Variants in LIMS1 observed in about 807,000 individuals in gnomAD.
LIMS1 encodes LIM zinc finger domain containing 1, also known as LIM and senescent cell antigen-like-containing domain protein 1.
Under a neutral mutation model 44.1 loss-of-function variants are expected in LIMS1, and 18 were observed. The observed-to-expected ratio is 0.41, with a 90% CI of 0.28 to 0.61. The LOEUF (loss-of-function observed/expected upper bound fraction) is 0.61, where lower values mean the gene tolerates loss of function less well. LIMS1 is among the 20% of genes least tolerant of loss of function. The pLI is 0.32. For synonymous variants in LIMS1, 93 were observed against 149.1 expected, an observed-to-expected ratio of 0.62 and a Z score of 2.74; for missense variants, 201 against 422.0, an observed-to-expected ratio of 0.48 and a Z score of 4.59.
chr2:108,640,243 T>C (rs550084142), intron 1 of LIMS1, among the ~76,000 whole-genome samples: 104 of 152,298 alleles, frequency 6.8e-4, no homozygotes, highest in Non-Finnish European at 1.3e-3. Context: ...CTCCTTTCCC[T>C]TCCCCAGGCT....
intron 1 of LIMS1, among the ~76,000 whole-genome samples, chr2:108,609,131 C>G (rs894478470): frequency 9.2e-5 from 14 of 152,076 alleles, no homozygotes; most frequent in African/African-American, 3.4e-4. Flanking sequence ...ATCGGTGATT[C>G]GAGAGTACTG....
intron 1 of LIMS1, among the ~76,000 whole-genome samples, chr2:108,612,302 G>A (rs1424961286): frequency 6.6e-6 from 1 of 152,002 alleles, no homozygotes; most frequent in Non-Finnish European, 1.5e-5. Flanking sequence ...GGTATGAAGT[G>A]TTCTCAGAGG....
chr2:108,675,516 A>G (rs545356097), intron 5 of LIMS1, among the ~76,000 whole-genome samples: 2 of 152,286 alleles, frequency 1.3e-5, no homozygotes, highest in East Asian at 3.9e-4. Context: ...ACCATAGCAG[A>G]TAGTATTACT....
At position 108,572,782 on chromosome 2, in the gene LIMS1, A is replaced by C. The variant is rs78038125; in HGVS notation, c.32+38188A>C. Among the ~76,000 whole-genome samples the C allele has an allele frequency of 9.3e-3, 1,412 of 152,286 alleles. 26 individuals are homozygous for C. The highest frequency in any genetic ancestry group is 0.033 in the African/African-American group (1,351 of 41,546). ...CACTTTGAAGTCGGGTGGTCTTGGA[A>C]GTGTAGGAAAACATTTTGAGAAACA... On this transcript the variant is annotated intron_variant, in intron 1 of 9. Transcript: ENST00000544547.
intron 9 of LIMS1, 99 bp from the exon 10 acceptor site, chr2:108,683,786 G>T: frequency 1.9e-6 from 1 of 516,714 alleles, no homozygotes; most frequent in South Asian, 3.6e-5. Flanking sequence ...TCACCTAGTT[G>T]CCTTCGTTTA....
chr2:108,547,531 T>C (rs1684521647), intron 1 of LIMS1, among the ~76,000 whole-genome samples: 1 of 152,188 alleles, frequency 6.6e-6, no homozygotes, highest in South Asian at 2.1e-4. Flanking sequence ...CTGTTGGCAG[T>C]TTGACTTATG....
chr2:108,556,102 C>G (rs1336450704), intron 1 of LIMS1, among the ~76,000 whole-genome samples: 1 of 152,128 alleles, frequency 6.6e-6, no homozygotes, highest in Non-Finnish European at 1.5e-5. Flanking sequence ...AACTCCCATT[C>G]TGCCTTGCCC....
intron 7 of LIMS1, chr2:108,676,903 G>A (rs951327355): frequency 3.4e-5 from 19 of 563,424 alleles, no homozygotes; most frequent in Non-Finnish European, 5.1e-5. Context: ...CAAGTCCACA[G>A]TTTGCTTTAT....
chr2:108,548,396 G>A (rs1684561877), intron 1 of LIMS1, among the ~76,000 whole-genome samples: 1 of 151,780 alleles, frequency 6.6e-6, no homozygotes, highest in Admixed American at 6.6e-5. Context: ...ACAGATGTCT[G>A]TTTAACACAA....
intron 1 of LIMS1, among the ~76,000 whole-genome samples, chr2:108,623,107 G>A (rs1688348380): frequency 6.6e-6 from 1 of 151,826 alleles, no homozygotes; most frequent in Admixed American, 6.6e-5. Flanking sequence ...GTCATAGAAG[G>A]GACTTGTATT....
chr2:108,667,551 A>AAAAAAAAATAT (rs765279788), intron 2 of LIMS1, among the ~76,000 whole-genome samples: 1 of 130,484 alleles, frequency 7.7e-6, no homozygotes, highest in Non-Finnish European at 1.6e-5. Flanking sequence ...AAAAAAAAAA[A>AAAAAAAAATAT]ATATATATAT....
At chr2:108,605,694 C>T (rs191853311) in intron 1 of LIMS1, among the ~76,000 whole-genome samples, 50 of 152,302 alleles carry the variant, frequency 3.3e-4, no homozygotes, top group African/African-American at 1.2e-3. Flanking sequence ...GAATGCCATC[C>T]AGTGTAGTCT....
chr2:108,623,129 T>C (rs1197938428), intron 1 of LIMS1, among the ~76,000 whole-genome samples: 5 of 152,162 alleles, frequency 3.3e-5, no homozygotes, highest in Non-Finnish European at 7.4e-5. Flanking sequence ...CTGCCACTTT[T>C]GTCTCCTAAT....
intron 1 of LIMS1, among the ~76,000 whole-genome samples, chr2:108,591,290 A>G (rs1686376489): frequency 6.6e-6 from 1 of 152,160 alleles, no homozygotes; most frequent in Non-Finnish European, 1.5e-5. Flanking sequence ...GGGTAATGCC[A>G]GATGTGTGAA....
At chr2:108,613,949 A>T (rs937786419) in intron 1 of LIMS1, among the ~76,000 whole-genome samples, 1 of 151,680 alleles carries the variant, frequency 6.6e-6, no homozygotes, top group Admixed American at 6.6e-5. Flanking sequence ...CATGTTTTAA[A>T]TTGTGATTAT....
intron 1 of LIMS1, among the ~76,000 whole-genome samples, chr2:108,650,975 A>G (rs941190020): frequency 6.6e-6 from 1 of 152,102 alleles, no homozygotes; most frequent in Admixed American, 6.5e-5. Context: ...TAAAAGTTCC[A>G]TATGTCCAGG....
chr2:108,558,309 G>A (rs975752527), intron 1 of LIMS1, among the ~76,000 whole-genome samples: 8 of 150,884 alleles, frequency 5.3e-5, no homozygotes, highest in Admixed American at 1.3e-4. Context: ...GCTCCACCTC[G>A]TGGGTTCACG....
At chr2:108,648,566 A>G (rs555294263) in intron 1 of LIMS1, among the ~76,000 whole-genome samples, 3 of 152,318 alleles carry the variant, frequency 2.0e-5, no homozygotes, top group South Asian at 2.1e-4. Flanking sequence ...GTATACTACA[A>G]GTCTACTTTG....
intron 1 of LIMS1, among the ~76,000 whole-genome samples, chr2:108,552,098 TGAGA>T (rs1168436455): frequency 6.8e-6 from 1 of 145,988 alleles, no homozygotes; most frequent in African/African-American, 2.5e-5. Context: ...ATATGTATAT[TGAGA>T]GAGTTAACTA....
Sources: allele counts gnomAD v4.1 joint callset (sites outside exome capture counted in the v4.1 genomes callset), GRCh38; gene constraint gnomAD v4.1.1; transcripts MANE v1.5; gene names NCBI Gene and HGNC (gene_info 2026-07-23, HGNC 2026-07-21).